Variants in CATSPERB observed in about 807,000 individuals in gnomAD.
CATSPERB encodes catsper channel auxiliary subunit beta.
CATSPERB carries 93 observed loss-of-function variants against 128.3 expected under a neutral mutation model. That is an observed-to-expected ratio of 0.72 (90% CI 0.61 to 0.86). The LOEUF (loss-of-function observed/expected upper bound fraction) is 0.86. Ranked by LOEUF, CATSPERB falls within the 40% of genes least tolerant of loss-of-function variation. The pLI is 0.00. For missense variants in CATSPERB, 1,153 were observed against 1,329.5 expected (o/e 0.87, Z 2.06); for synonymous variants, 381 against 448.8 (o/e 0.85, Z 1.91).
chr14:91,644,328 T>C (rs1245121988), intron 15 of CATSPERB, among the ~76,000 whole-genome samples: 2 of 135,318 alleles, frequency 1.5e-5, no homozygotes, highest in Non-Finnish European at 3.2e-5. Context: ...CATTTTGGCA[T>C]GATTTTGCAG....
At chr14:91,599,799 G>T (rs1893580104) in intron 22 of CATSPERB, among the ~76,000 whole-genome samples, 2 of 152,170 alleles carry the variant, frequency 1.3e-5, no homozygotes, top group South Asian at 4.1e-4. Flanking sequence ...ACAGAAAGGT[G>T]ATACACAAAT....
chr14:91,672,256 GTTTTA>G (rs1387972242), intron 13 of CATSPERB, among the ~76,000 whole-genome samples: 5 of 152,090 alleles, frequency 3.3e-5, no homozygotes, highest in African/African-American at 9.7e-5. Context: ...CGAACTTATG[GTTTTA>G]TTTGTTTGTT....
intron 15 of CATSPERB, among the ~76,000 whole-genome samples, chr14:91,645,979 G>A (rs1352733538): frequency 6.7e-6 from 1 of 150,076 alleles, no homozygotes; most frequent in Non-Finnish European, 1.5e-5. Context: ...TTCCAGGTGC[G>A]TCCGTCACCC....
At chr14:91,671,616 C>CA (rs59188433) in intron 13 of CATSPERB, among the ~76,000 whole-genome samples, 59,265 of 150,078 alleles carry the variant, frequency 0.39, 11,774 homozygotes, top group Middle Eastern at 0.54. Context: ...AACCAACCAA[C>CA]AAAAAAAAAT....
chr14:91,659,351 A>C (rs1003631460), intron 15 of CATSPERB, among the ~76,000 whole-genome samples: 4 of 152,358 alleles, frequency 2.6e-5, no homozygotes, highest in Middle Eastern at 3.4e-3. Context: ...TTCTTTTGCT[A>C]TGCAAACACT....
chr14:91,638,961 T>A, intron 16 of CATSPERB, 135 bp downstream of exon 16: 1 of 704,344 alleles, frequency 1.4e-6, no homozygotes, highest in Non-Finnish European at 2.3e-6. Context: ...GTTCTTCCTT[T>A]AGTTAAATAG....
chr14:91,660,091 C>G (rs1449665373), intron 14 of CATSPERB, 110 bp from the exon 15 acceptor site: 4 of 764,852 alleles, frequency 5.2e-6, no homozygotes, highest in Non-Finnish European at 8.3e-6. Flanking sequence ...TTCCATATGC[C>G]TACATTCATC....
intron 15 of CATSPERB, among the ~76,000 whole-genome samples, chr14:91,651,902 G>GAA (rs1347813774): frequency 7.9e-5 from 12 of 151,856 alleles, no homozygotes; most frequent in African/African-American, 2.4e-4. Context: ...GTCATACAGG[G>GAA]AAAAAAATGA....
At position 91,719,419 on chromosome 14, in the gene CATSPERB, T is replaced by C. The variant is rs1291049573; in HGVS notation, c.369A>G (p.Thr123=). The C allele has an allele frequency of 1.2e-6, 2 of 1,608,588 alleles. No homozygotes were observed. The highest frequency in any genetic ancestry group is 1.3e-5 in the African/African-American group (1 of 74,888). ...AGAATTAATTCAGATCACTCTTACC[T>C]GTGCTTTGTGTGATGTTTTCTCTAG... ...DIPRENITQS[T]DIAAVEEWLV... is the part of the protein sequence containing the mutation. Residue 123 remains threonine, a splice_region_variant and synonymous_variant, in exon 5 of 27, where the codon ACA becomes ACG. Transcript: ENST00000256343.
intron 20 of CATSPERB, among the ~76,000 whole-genome samples, chr14:91,614,964 G>T (rs1192771350): frequency 6.6e-6 from 1 of 152,004 alleles, no homozygotes; most frequent in African/African-American, 2.4e-5. Flanking sequence ...TTTGTGGTGA[G>T]AACATTTAGA....
Position 91,617,741 on chromosome 14 carries a change from G to T in CATSPERB, c.2261-5C>A, listed in dbSNP as rs376723437. Reference sequence around the variant, plus strand: ...GTATTTCAAGCATTCGAAAACCTATGGAAACAAGGTTAACAGTTAATATTA... The same window carrying T: ...GTATTTCAAGCATTCGAAAACCTATTGAAACAAGGTTAACAGTTAATATTA... On this transcript the variant is annotated splice_polypyrimidine_tract_variant and splice_region_variant and intron_variant, in intron 19 of 26. Coordinates refer to ENST00000256343, the MANE Select transcript of CATSPERB (RefSeq NM_024764.4). 3.2e-6 allele frequency: 5 copies of T among 1,581,344 alleles called. No individual in the cohort carries two copies. Among genetic ancestry groups the T allele is most frequent in the Non-Finnish European group, 4.3e-6 (5 of 1,163,790 alleles).
chr14:91,613,366 A>G (rs1376378318), intron 20 of CATSPERB, among the ~76,000 whole-genome samples: 1 of 152,200 alleles, frequency 6.6e-6, no homozygotes, highest in Non-Finnish European at 1.5e-5. Flanking sequence ...TAAGAAAAAT[A>G]TTGACTTGAA....
At chr14:91,592,828 C>T (rs1893432757) in intron 22 of CATSPERB, among the ~76,000 whole-genome samples, 1 of 145,516 alleles carries the variant, frequency 6.9e-6, no homozygotes, top group South Asian at 2.1e-4. Flanking sequence ...GTGAAAATGT[C>T]TCCAGACCAT....
intron 20 of CATSPERB, among the ~76,000 whole-genome samples, chr14:91,611,563 T>A (rs1187704358): frequency 6.6e-6 from 1 of 152,038 alleles, no homozygotes; most frequent in Non-Finnish European, 1.5e-5. Flanking sequence ...TGAGCCAAGA[T>A]AACACCACTG....
In CATSPERB at chr14:91,639,087, T is replaced by C; in HGVS notation, c.1587+9A>G. 6.2e-7 allele frequency: 1 copy of C among 1,611,280 alleles called. No homozygotes were observed. Among genetic ancestry groups the C allele is most frequent in the South Asian group, 1.1e-5 (1 of 90,480 alleles). ...TAAGGCAAACTGTTTCAATGCATTA[T>C]ATACTGACCTGTCCAAAAAGATTTC... is the stretch of plus-strand genomic sequence containing the variant. On this transcript the variant is annotated intron_variant, in intron 16 of 26. Transcript: ENST00000256343.
chr14:91,590,796 G>A (rs542347340), intron 23 of CATSPERB, among the ~76,000 whole-genome samples: 17 of 151,604 alleles, frequency 1.1e-4, no homozygotes, highest in African/African-American at 4.1e-4. Flanking sequence ...GACTACAGGC[G>A]CCCACCACCA....
chr14:91,594,262 G>A (rs924835031), intron 22 of CATSPERB, among the ~76,000 whole-genome samples: 1 of 151,942 alleles, frequency 6.6e-6, no homozygotes, highest in Non-Finnish European at 1.5e-5. Context: ...TCACTCAAAG[G>A]TGGGAATTGA....
At chr14:91,595,063 AT>A (rs1893479722) in intron 22 of CATSPERB, among the ~76,000 whole-genome samples, 1 of 151,698 alleles carries the variant, frequency 6.6e-6, no homozygotes, top group Non-Finnish European at 1.5e-5. Context: ...ATTGAAAAAA[AT>A]ATTAGGCAAG....
At chr14:91,729,344 A>T in intron 2 of CATSPERB, 57 bp downstream of exon 2, 1 of 725,902 alleles carries the variant, frequency 1.4e-6, no homozygotes, top group Non-Finnish European at 2.2e-6. Flanking sequence ...AATAAGGAAG[A>T]GACACAAATA....
Sources: gnomAD v4.1 joint callset for allele counts (sites outside exome capture counted in the v4.1 genomes callset) on GRCh38, gnomAD v4.1.1 for gene constraint, MANE v1.5 for transcripts, NCBI Gene and HGNC (gene_info 2026-07-23, HGNC 2026-07-21) for gene names.